LDLRAD3: variants seen among roughly 807,000 people sequenced by gnomAD.
The protein encoded by LDLRAD3 is low-density lipoprotein receptor class A domain-containing protein 3.
In LDLRAD3, 20 loss-of-function variants were observed where a neutral mutation model predicts 29.4. The observed-to-expected ratio is 0.68, with a 90% CI of 0.48 to 0.99. LDLRAD3 has a LOEUF of 0.99. Among genes scored for constraint, LDLRAD3 ranks in the 50% least tolerant of loss-of-function variants. LDLRAD3 has a pLI of 0.00. For missense variants in LDLRAD3, 420 were observed against 454.3 expected (o/e 0.92, Z 0.69); for synonymous variants, 157 against 192.7 (o/e 0.81, Z 1.53).
At chr11:36,080,258 C>G (rs1007942762) in intron 2 of LDLRAD3, among the ~76,000 whole-genome samples, 3 of 152,214 alleles carry the variant, frequency 2.0e-5, no homozygotes, top group African/African-American at 7.2e-5. Flanking sequence ...CTTACATCTC[C>G]TAATCGCAAG....
At chr11:36,184,560 T>C (rs1057458482) in intron 4 of LDLRAD3, among the ~76,000 whole-genome samples, 12 of 152,190 alleles carry the variant, frequency 7.9e-5, no homozygotes, top group Non-Finnish European at 1.8e-4. Flanking sequence ...AAAGATGCCT[T>C]TCTCCAGAGA....
intron 1 of LDLRAD3, among the ~76,000 whole-genome samples, chr11:35,983,080 C>T (rs1851563380): frequency 6.6e-6 from 1 of 152,140 alleles, no homozygotes; most frequent in Admixed American, 6.5e-5. Flanking sequence ...TCTTGAACTC[C>T]TGACCTCAAG....
intron 4 of LDLRAD3, among the ~76,000 whole-genome samples, chr11:36,139,896 A>T (rs1854056410): frequency 6.6e-6 from 1 of 152,184 alleles, no homozygotes; most frequent in Non-Finnish European, 1.5e-5. Context: ...GCCGAAGTGA[A>T]TGTGCTGTGG....
chr11:36,111,372 C>T (rs1352526395), intron 4 of LDLRAD3, among the ~76,000 whole-genome samples: 1 of 151,930 alleles, frequency 6.6e-6, no homozygotes, highest in Non-Finnish European at 1.5e-5. Flanking sequence ...CAACAAGTGG[C>T]TTGAAAAACT....
chr11:36,089,278 C>CTTTTTTTT lies in LDLRAD3; in HGVS notation c.319+7505_319+7506insTTTTTTTT, dbSNP rs560432110. Among the ~76,000 whole-genome samples the CTTTTTTTT allele has an allele frequency of 2.9e-3, 444 of 152,208 alleles. 3 individuals are homozygous for CTTTTTTTT. Among genetic ancestry groups the CTTTTTTTT allele is most frequent in the African/African-American group, 0.01 (430 of 41,510 alleles). On this transcript the variant is annotated intron_variant, in intron 3 of 5. Coordinates refer to ENST00000315571, the MANE Select transcript of LDLRAD3 (RefSeq NM_174902.4). ...TTTAGGTAGATAGTATTATTACCTCCTTTTTATAGATAAGGGAACAGAGAC... is the reference window on the plus strand; with the variant it reads ...TTTAGGTAGATAGTATTATTACCTCCTTTTTTTTTTTTTATAGATAAGGGAACAGAGAC...
In LDLRAD3 at chr11:36,036,257, G is replaced by C. The variant is rs1404295907; in HGVS notation, c.193+8G>C. On this transcript the variant is annotated splice_region_variant and intron_variant, in intron 2 of 5. Coordinates refer to ENST00000315571, the MANE Select transcript of LDLRAD3 (RefSeq NM_174902.4). ...GTGATGAGAAGGAGTGCCGTGAGTG[G>C]CCTGGCCCTTTGCTGGGGTGGGGTG... 8 of 1,613,816 alleles carry C rather than the reference G, an allele frequency of 5.0e-6. No homozygotes were observed.
intron 4 of LDLRAD3, among the ~76,000 whole-genome samples, chr11:36,222,092 C>G (rs1855436618): frequency 6.6e-6 from 1 of 152,124 alleles, no homozygotes; most frequent in Non-Finnish European, 1.5e-5. Flanking sequence ...TTTTTAGAGA[C>G]AGGGTCTCGC....
chr11:36,130,889 C>G (rs1212645322), intron 4 of LDLRAD3, among the ~76,000 whole-genome samples: 1 of 152,186 alleles, frequency 6.6e-6, no homozygotes, highest in Non-Finnish European at 1.5e-5. Context: ...AAGTCCAGTG[C>G]GCACTATCTC....
At chr11:36,071,656 A>G (rs1401090135) in intron 2 of LDLRAD3, among the ~76,000 whole-genome samples, 1 of 152,236 alleles carries the variant, frequency 6.6e-6, no homozygotes, top group Non-Finnish European at 1.5e-5. Context: ...GTAAAATTGC[A>G]TGCTCGGATT....
intron 1 of LDLRAD3, among the ~76,000 whole-genome samples, chr11:35,962,745 G>T (rs1372160843): frequency 6.6e-6 from 1 of 152,146 alleles, no homozygotes; most frequent in Non-Finnish European, 1.5e-5. Context: ...AGAATGAAAA[G>T]AAATTAAAAT....
chr11:35,996,797 G>A (rs1851760847), intron 1 of LDLRAD3, among the ~76,000 whole-genome samples: 1 of 152,190 alleles, frequency 6.6e-6, no homozygotes, highest in Admixed American at 6.5e-5. Context: ...ACAGTTAACT[G>A]TTTTTGGTTA....
intron 1 of LDLRAD3, among the ~76,000 whole-genome samples, chr11:36,003,810 A>G (rs1296312210): frequency 3.9e-5 from 6 of 152,218 alleles, no homozygotes; most frequent in Non-Finnish European, 8.8e-5. Context: ...AACAGAAAGC[A>G]TGGCTGGGAG....
At chr11:36,215,124 G>A (rs1855334296) in intron 4 of LDLRAD3, among the ~76,000 whole-genome samples, 1 of 152,214 alleles carries the variant, frequency 6.6e-6, no homozygotes, top group Non-Finnish European at 1.5e-5. Flanking sequence ...CTGGAAGGTC[G>A]TGCTAAGCAG....
At chr11:35,964,577 T>A (rs2984700) in intron 1 of LDLRAD3, among the ~76,000 whole-genome samples, 1 of 151,932 alleles carries the variant, frequency 6.6e-6, no homozygotes, top group Non-Finnish European at 1.5e-5. Flanking sequence ...TCTGTCTGAG[T>A]GTAACCAGGG....
At chr11:36,065,643 T>C (rs1187169015) in intron 2 of LDLRAD3, among the ~76,000 whole-genome samples, 3 of 152,220 alleles carry the variant, frequency 2.0e-5, no homozygotes, top group Non-Finnish European at 4.4e-5. Context: ...GAATGTTTTC[T>C]TGTGCAGGCT....
intron 1 of LDLRAD3, among the ~76,000 whole-genome samples, chr11:35,946,354 C>CCG (rs35441145): frequency 0.076 from 11,495 of 152,234 alleles, 785 homozygotes; most frequent in African/African-American, 0.17. Context: ...CAAGGTTGAA[C>CCG]CGTAGTTAGA....
intron 4 of LDLRAD3, among the ~76,000 whole-genome samples, chr11:36,141,228 C>T (rs532475614): frequency 9.9e-5 from 15 of 152,242 alleles, no homozygotes; most frequent in African/African-American, 3.4e-4. Context: ...AGAATAATCA[C>T]CTATCGAGTT....
chr11:36,028,081 C>G (rs982035945), intron 1 of LDLRAD3, among the ~76,000 whole-genome samples: 3 of 152,222 alleles, frequency 2.0e-5, no homozygotes, highest in Non-Finnish European at 4.4e-5. Context: ...AAGCTCTTGA[C>G]TTCAGTGCCT....
At chr11:36,203,123 G>A (rs934590499) in intron 4 of LDLRAD3, among the ~76,000 whole-genome samples, 9 of 151,924 alleles carry the variant, frequency 5.9e-5, no homozygotes, top group African/African-American at 1.9e-4. Context: ...TTTTTATAGA[G>A]ACAGTGTCTC....
Sources: allele counts gnomAD v4.1 joint callset (sites outside exome capture counted in the v4.1 genomes callset), GRCh38; gene constraint gnomAD v4.1.1; transcripts MANE v1.5; gene names NCBI Gene and HGNC (gene_info 2026-07-23, HGNC 2026-07-21).